The following NBR1 variants were observed in gnomAD, a reference collection of about 807,000 sequenced individuals.
The protein encoded by NBR1 is NBR1 autophagy cargo receptor.
Under a neutral mutation model 115.5 loss-of-function variants are expected in NBR1, and 59 were observed. That is an observed-to-expected ratio of 0.51 (90% CI 0.41 to 0.63). The LOEUF (loss-of-function observed/expected upper bound fraction) is 0.63. Among genes scored for constraint, NBR1 ranks in the 30% least tolerant of loss-of-function variants. NBR1 has a pLI of 0.00. For synonymous variants in NBR1, 373 were observed against 414.7 expected, an observed-to-expected ratio of 0.90 and a Z score of 1.22; for missense variants, 1,043 against 1,150.5, an observed-to-expected ratio of 0.91 and a Z score of 1.35.
In NBR1 at chr17:43,193,469, A is replaced by G. The variant is rs750471418; in HGVS notation, c.1355A>G (p.Glu452Gly). 1 of 1,613,916 alleles carries G rather than the reference A, an allele frequency of 6.2e-7. No individual in the cohort carries two copies. Among genetic ancestry groups the G allele is most frequent in the Non-Finnish European group, 8.5e-7 (1 of 1,179,894 alleles). Residue 452 changes from glutamate (E) to glycine (G), a missense_variant, in exon 12 of 21, where the codon GAG becomes GGG. Coordinates refer to ENST00000590996, the MANE Select transcript of NBR1 (RefSeq NM_005899.5). The stretch of plus-strand genomic sequence containing the variant: ...GTGGAGTTCATTGCCCCAGCCTTGG[A>G]GGGAACGTATACTTCCCATTGGCGT... Reference protein sequence around the residue: ...VSVEFIAPALEGTYTSHWRLS... With the variant: ...VSVEFIAPALGGTYTSHWRLS...
chr17:43,187,750 C>T (rs774764665), intron 6 of NBR1, among the ~76,000 whole-genome samples: 14 of 151,702 alleles, frequency 9.2e-5, no homozygotes, highest in East Asian at 3.9e-4. Flanking sequence ...CCTTGTGATC[C>T]GCCCACCTCG....
intron 10 of NBR1, 75 bp from the exon 11 acceptor site, chr17:43,193,017 ACT>A: frequency 7.0e-7 from 1 of 1,426,848 alleles, no homozygotes; most frequent in East Asian, 2.3e-5. Flanking sequence ...TCACAGTCAG[ACT>A]CTCAAGCTAG....
chr17:43,184,219 T>A (rs2056744467), intron 5 of NBR1, among the ~76,000 whole-genome samples: 1 of 151,178 alleles, frequency 6.6e-6, no homozygotes, highest in Admixed American at 6.6e-5. Flanking sequence ...GCTCCGATGA[T>A]TTTTAAACTT....
chr17:43,205,409 G>C (rs978381064), intron 20 of NBR1, among the ~76,000 whole-genome samples: 5 of 152,284 alleles, frequency 3.3e-5, no homozygotes, highest in South Asian at 4.1e-4. Context: ...ACTTCAGCCT[G>C]GTGTGCCCAA....
chr17:43,204,458 C>G (rs938254703), intron 20 of NBR1, among the ~76,000 whole-genome samples: 3 of 151,448 alleles, frequency 2.0e-5, no homozygotes, highest in African/African-American at 7.3e-5. Flanking sequence ...TTGCTTGAGC[C>G]CAGGAGTTTG....
chr17:43,186,152 C>A, intron 5 of NBR1, 98 bp from the exon 6 acceptor site: 1 of 1,028,730 alleles, frequency 9.7e-7, no homozygotes, highest in Non-Finnish European at 1.4e-6. Context: ...TATTTTCTAG[C>A]ATAACTTACC....
chr17:43,201,735 G>C lies in NBR1; in HGVS notation c.2518G>C (p.Val840Leu), dbSNP rs1429220269. 6.2e-7 allele frequency: 1 copy of C among 1,609,538 alleles called. No individual in the cohort carries two copies. The highest frequency in any genetic ancestry group is 1.3e-5 in the African/African-American group (1 of 74,840). Residue 840 changes from valine (V) to leucine (L), a missense_variant, in exon 18 of 21, where the codon GTT becomes CTT. By Grantham distance (32) the Val-to-Leu change is conservative. Coordinates refer to ENST00000590996, the MANE Select transcript of NBR1 (RefSeq NM_005899.5). ...HHGSPGVDLP[V>L]TIPEVSSVPD... is the part of the protein sequence containing the mutation. ...TGGTTCCCCAGGAGTGGATTTACCA[G>C]TTACCATACCAGAAGTTTCTTCAGT...
intron 17 of NBR1, 79 bp from the exon 18 acceptor site, chr17:43,201,607 C>T: frequency 3.6e-6 from 3 of 824,394 alleles, no homozygotes; most frequent in Non-Finnish European, 6.3e-6. Context: ...TTTGGCACTG[C>T]TGTGCTGTGT....
At chr17:43,180,868 G>T (rs2056646160) in intron 5 of NBR1, 51 bp downstream of exon 5, 1 of 1,336,590 alleles carries the variant, frequency 7.5e-7, no homozygotes, top group Non-Finnish European at 9.7e-7. Flanking sequence ...TATTATTATG[G>T]GTTGGTTTTT....
intron 3 of NBR1, 89 bp from the exon 4 acceptor site, chr17:43,179,305 T>C: frequency 8.2e-7 from 1 of 1,221,442 alleles, no homozygotes; most frequent in South Asian, 1.3e-5. Context: ...GCCTGAGTTT[T>C]TGTCTGTCCT....
chr17:43,175,575 G>GT (rs2154581920), intron 1 of NBR1, among the ~76,000 whole-genome samples: 1 of 152,248 alleles, frequency 6.6e-6, no homozygotes, highest in East Asian at 1.9e-4. Flanking sequence ...TTATGGCATG[G>GT]TTTTAGCCTA....
At chr17:43,184,381 T>C (rs548698475) in intron 5 of NBR1, among the ~76,000 whole-genome samples, 4 of 144,268 alleles carry the variant, frequency 2.8e-5, no homozygotes, top group African/African-American at 9.9e-5. Context: ...TCTTTTTTTT[T>C]TTGAGACAGA....
chr17:43,203,742 T>C lies in NBR1; in HGVS notation c.2683T>C (p.Ser895Pro), dbSNP rs2057254012. The C allele has an allele frequency of 6.2e-7, 1 of 1,608,304 alleles. No individual in the cohort carries two copies. The change falls in exon 20 of 21, where the codon TCT (serine) becomes CCT (proline). Residue 895 changes from serine to proline, a missense_variant. Coordinates refer to ENST00000590996, the MANE Select transcript of NBR1 (RefSeq NM_005899.5). ...GAAGGGGGCTTTGTCTGTTGCTGCC[T>C]CTGCATACAAGGCCCTGTTTGCTGG... ...LVKGALSVAASAYKALFAGPP... is the reference protein window; with the variant it reads ...LVKGALSVAAPAYKALFAGPP...
rs2056722871 is a variant in NBR1, at chr17:43,183,384, C to A, written c.207+2567C>A. Among the ~76,000 whole-genome samples, 3 of 151,706 alleles carry A rather than the reference C, an allele frequency of 2.0e-5. No individual in the cohort carries two copies. In the South Asian group the frequency reaches 6.2e-4, roughly 31 times the overall value. ...TACGGGCATGCGCCACCACACCCAG[C>A]TAATTTTTGTATTTTTAGTAGAGAT... is the stretch of plus-strand genomic sequence containing the variant. On this transcript the variant is annotated intron_variant, in intron 5 of 20. Coordinates refer to ENST00000590996, the MANE Select transcript of NBR1 (RefSeq NM_005899.5).
chr17:43,200,055 T>C, intron 16 of NBR1, 112 bp from the exon 17 acceptor site: 1 of 857,274 alleles, frequency 1.2e-6, no homozygotes, highest in Non-Finnish European at 1.8e-6. Context: ...TTCTTCCCTC[T>C]CCTCTGGCTT....
At chr17:43,180,664 C>T (rs376640389) in intron 4 of NBR1, 131 bp from the exon 5 acceptor site, 2 of 1,065,140 alleles carry the variant, frequency 1.9e-6, no homozygotes, top group Non-Finnish European at 2.4e-6. Flanking sequence ...GATTGGCTAT[C>T]CTTAATCTTA....
chr17:43,183,662 C>G (rs1206406225), intron 5 of NBR1, among the ~76,000 whole-genome samples: 2 of 152,038 alleles, frequency 1.3e-5, no homozygotes, highest in Admixed American at 6.6e-5. Context: ...CCACACTTGG[C>G]TGGTTTTGTT....
In NBR1 at chr17:43,182,256, C is replaced by T. The variant is rs796465082; in HGVS notation, c.207+1439C>T. Among the ~76,000 whole-genome samples, 32 of 117,540 alleles carry T rather than the reference C, an allele frequency of 2.7e-4. 1 individual carries two copies. Among genetic ancestry groups the T allele is most frequent in the South Asian group, 5.8e-4 (2 of 3,460 alleles). 77.1% of individuals were successfully genotyped at this position (117,540 alleles called of 152,430 possible). On this transcript the variant is annotated intron_variant, in intron 5 of 20. Coordinates refer to ENST00000590996, the MANE Select transcript of NBR1 (RefSeq NM_005899.5). ...TTTTTGAGACAGAGTCTCACTCTGT[C>T]GCTCAGGCTGGAGTGCGGTGGCGCA...
chr17:43,171,780 CT>C (rs1567840610), intron 1 of NBR1, among the ~76,000 whole-genome samples: 2 of 152,128 alleles, frequency 1.3e-5, no homozygotes, highest in African/African-American at 4.8e-5. Flanking sequence ...ACTGTTTTTC[CT>C]TTTTGTCAAA....
Sources: gnomAD v4.1 joint callset for allele counts (sites outside exome capture counted in the v4.1 genomes callset) on GRCh38, gnomAD v4.1.1 for gene constraint, MANE v1.5 for transcripts, NCBI Gene and HGNC (gene_info 2026-07-23, HGNC 2026-07-21) for gene names.